CSNK2A1: variants seen among roughly 807,000 people sequenced by gnomAD.
CSNK2A1 encodes the protein casein kinase 2 alpha 1.
In CSNK2A1, 10 loss-of-function variants were observed where a neutral mutation model predicts 62.9. That is an observed-to-expected ratio of 0.16 (90% CI 0.10 to 0.27). The LOEUF is 0.27. CSNK2A1 is among the 10% of genes least tolerant of loss of function. The pLI is 1.00. For synonymous variants in CSNK2A1, 124 were observed against 167.8 expected, an observed-to-expected ratio of 0.74 and a Z score of 2.02; for missense variants, 160 against 492.0, an observed-to-expected ratio of 0.33 and a Z score of 6.38.
Position 499,237 on chromosome 20 carries a change from G to C in CSNK2A1, c.366+18C>G, listed in dbSNP as rs755904354. On this transcript the variant is annotated intron_variant, in intron 6 of 13. Transcript: ENST00000217244. This position sits in a 1 kb window ranked among gnomAD's most constrained non-coding sequence, Gnocchi z 4.2. ...TCTAAAAACCCACTAGCCCGAAACA[G>C]TTGGTTATATATTATACCTTGAAGT... The C allele has an allele frequency of 5.1e-6, 8 of 1,583,758 alleles. No individual in the cohort carries two copies. Among genetic ancestry groups the C allele is most frequent in the Non-Finnish European group, 6.9e-6 (8 of 1,164,544 alleles).
chr20:505,171 A>G lies in CSNK2A1; in HGVS notation c.160T>C (p.Phe54Leu). ...KLGRGKYSEV[F>L]EAINITNNEK... is the part of the protein sequence containing the mutation. ...TTATTTGTGATGTTGATGGCTTCAAATACTTCACTGTATTTACCTCGGCCT... is the reference window on the plus strand; with the variant it reads ...TTATTTGTGATGTTGATGGCTTCAAGTACTTCACTGTATTTACCTCGGCCT... The change falls in exon 4 of 14, where the codon TTT (phenylalanine) becomes CTT (leucine). Residue 54 changes from phenylalanine to leucine, a missense_variant. Physicochemically the swap from Phe to Leu is conservative, Grantham distance 22 (BLOSUM62 0). Coordinates refer to ENST00000217244, the MANE Select transcript of CSNK2A1 (RefSeq NM_177559.3). The G allele has an allele frequency of 6.2e-7, 1 of 1,613,814 alleles. No individual in the cohort carries two copies. The highest frequency in any genetic ancestry group is 8.5e-7 in the Non-Finnish European group (1 of 1,179,918).
Position 481,856 on chromosome 20 carries a change from C to T in CSNK2A1, c.*2105G>A, listed in dbSNP as rs1288122971. On this transcript the variant is annotated 3_prime_UTR_variant, in exon 14 of 14. Coordinates refer to ENST00000217244, the MANE Select transcript of CSNK2A1 (RefSeq NM_177559.3). ...AATTGCATCTCTGGCACATCTGGTG[C>T]TTTTAGCTTCTGCACAAATTCAACA... 6.6e-6 allele frequency: 1 copy of T among 152,208 alleles called. No individual in the cohort carries two copies. The highest frequency in any genetic ancestry group is 1.5e-5 in the Non-Finnish European group (1 of 68,038). 9.4% of individuals were successfully genotyped at this position (152,208 alleles called of 1,614,324 possible).
intron 1 of CSNK2A1, among the ~76,000 whole-genome samples, chr20:541,478 GAAGTA>G (rs998830038): frequency 3.3e-5 from 5 of 152,148 alleles, no homozygotes; most frequent in Admixed American, 6.5e-5. Context: ...TTACTTATGT[GAAGTA>G]AAGTATATAT....
rs1281632292 is a variant in CSNK2A1 at position 499,749 on chromosome 20, G to A, written c.315+84C>T. ...CAGGACTTAATGATGAGGGTTGGGG[G>A]AGGGAACAAAAAGAGGCCAGTTGTG... On this transcript the variant is annotated intron_variant, in intron 5 of 13. Coordinates refer to ENST00000217244, the MANE Select transcript of CSNK2A1 (RefSeq NM_177559.3). This position sits in a 1 kb window ranked among gnomAD's most constrained non-coding sequence, Gnocchi z 4.2. 2 of 1,251,812 alleles carry A rather than the reference G, an allele frequency of 1.6e-6. No individual in the cohort carries two copies. Among genetic ancestry groups the A allele is most frequent in the Non-Finnish European group, 2.3e-6 (2 of 857,118 alleles). 77.5% of individuals were successfully genotyped at this position (1,251,812 alleles called of 1,614,324 possible). A position where few individuals can be genotyped will look rare whatever the true frequency, so the allele number is the denominator to read the frequency against.
intron 13 of CSNK2A1, among the ~76,000 whole-genome samples, chr20:486,139 C>A (rs762664168): frequency 2.6e-5 from 4 of 152,038 alleles, no homozygotes; most frequent in Non-Finnish European, 5.9e-5. Flanking sequence ...CACTTTCAAG[C>A]CCCTATGCCA....
At position 478,436 on chromosome 20, in the gene CSNK2A1, A is replaced by T. The variant is rs2017891809; in HGVS notation, c.*5525T>A. 1 of 227,588 alleles carries T rather than the reference A, an allele frequency of 4.4e-6. No individual in the cohort carries two copies. The highest frequency in any genetic ancestry group is 9.0e-6 in the Non-Finnish European group (1 of 110,658). 14.1% of individuals were successfully genotyped at this position (227,588 alleles called of 1,614,324 possible). ...ATTCCCAGGGTGGGATCAGGAAGCC[A>T]GCCCCAGCTGCTGCAGCATTTTTTT... On this transcript the variant is annotated 3_prime_UTR_variant, in exon 14 of 14. Transcript: ENST00000217244.
intron 2 of CSNK2A1, among the ~76,000 whole-genome samples, chr20:509,676 G>A (rs777765245): frequency 2.6e-5 from 4 of 152,132 alleles, no homozygotes; most frequent in Non-Finnish European, 4.4e-5. Context: ...CCTGGACTCC[G>A]GTGATTCTTT....
In CSNK2A1 at chr20:488,727, C is replaced by A; in HGVS notation, c.775G>T (p.Asp259Tyr). The A allele has an allele frequency of 6.2e-7, 1 of 1,613,876 alleles. No individual in the cohort carries two copies. The change falls in exon 11 of 14, where the codon GAC (aspartate) becomes TAC (tyrosine). Residue 259 changes from aspartate to tyrosine, a missense_variant. By Grantham distance (160) the Asp-to-Tyr change is radical (BLOSUM62 -3). This residue lies in a region of CSNK2A1 where 94 missense variants were observed against 357.6 expected (regional missense o/e 0.26). Transcript: ENST00000217244. ...GGATCTAATTCAATGTTGTATTTGT[C>A]AATATAGTCATATAAATCTTCTGTC... ...LGTEDLYDYIDKYNIELDPRF... is the reference protein window; with the variant it reads ...LGTEDLYDYIYKYNIELDPRF...
chr20:528,403 T>C lies in CSNK2A1; in HGVS notation c.-226-354A>G, dbSNP rs560173048. On this transcript the variant is annotated intron_variant, in intron 1 of 13. Transcript: ENST00000217244. ...TTGCCTTTCAATTCTGAAGATATTA[T>C]GTGAATGCCTATGTCAGTCACTGAT... Among the ~76,000 whole-genome samples the C allele has an allele frequency of 2.0e-5, 3 of 152,318 alleles. No homozygotes were observed. In the East Asian group the frequency reaches 5.8e-4, roughly 29 times the overall value.
In CSNK2A1 at chr20:474,162, C is replaced by T. The variant is rs1331602085; in HGVS notation, c.*9799G>A. The T allele has an allele frequency of 6.6e-6, 1 of 152,354 alleles. No homozygotes were observed. The highest frequency in any genetic ancestry group is 1.5e-5 in the Non-Finnish European group (1 of 68,194). The allele number at this position is 152,354 out of a possible 1,614,324, so 9.4% of individuals were successfully genotyped here. The stretch of plus-strand genomic sequence containing the variant: ...CCTCCAACTCCTGGGCTCAACGTAT[C>T]CTCCCACCCAGCCTCCCCAGTAGCT... On this transcript the variant is annotated 3_prime_UTR_variant, in exon 14 of 14. Coordinates refer to ENST00000217244, the MANE Select transcript of CSNK2A1 (RefSeq NM_177559.3).
At chr20:490,274 G>A (rs1322578341) in intron 9 of CSNK2A1, among the ~76,000 whole-genome samples, 3 of 144,336 alleles carry the variant, frequency 2.1e-5, no homozygotes, top group East Asian at 2.0e-4. Flanking sequence ...TGATCTGCTC[G>A]CCTCAGGTTC....
Position 489,772 on chromosome 20 carries a change from T to C in CSNK2A1, c.723+8A>G, listed in dbSNP as rs1304993774. The C allele has an allele frequency of 1.3e-6, 2 of 1,598,370 alleles. No homozygotes were observed. Among genetic ancestry groups the C allele is most frequent in the African/African-American group, 2.7e-5 (2 of 74,662 alleles). ...AGTACATTTTTCAATGGGTATAACA[T>C]ATATTACCTGATCATAATTGTCATG... is the stretch of plus-strand genomic sequence containing the variant. On this transcript the variant is annotated splice_region_variant and intron_variant, in intron 10 of 13. Coordinates refer to ENST00000217244, the MANE Select transcript of CSNK2A1 (RefSeq NM_177559.3).
intron 10 of CSNK2A1, chr20:489,028 A>G (rs936743106): frequency 5.7e-5 from 20 of 351,384 alleles, no homozygotes; most frequent in African/African-American, 3.6e-4. Context: ...CCAATTGAAG[A>G]TGTCACTTCT....
intron 7 of CSNK2A1, 87 bp from the exon 8 acceptor site, chr20:495,889 G>A (rs774232483): frequency 5.6e-5 from 60 of 1,075,768 alleles, no homozygotes; most frequent in Non-Finnish European, 7.7e-5. Context: ...TTTCCTTTTA[G>A]CCTCACAATA....
At chr20:490,335 C>CTTTTCT (rs1430310808) in intron 9 of CSNK2A1, among the ~76,000 whole-genome samples, 153 of 84,802 alleles carry the variant, frequency 1.8e-3, no homozygotes, top group African/African-American at 7.6e-3. Flanking sequence ...CTAGTTTTTT[C>CTTTTCT]TTTTTTTTTT....
chr20:496,811 CA>C (rs2018355522), intron 7 of CSNK2A1: 1 of 152,174 alleles, frequency 6.6e-6, no homozygotes, highest in Non-Finnish European at 1.5e-5. Flanking sequence ...TTGGTGACCC[CA>C]CTTTAGAAAT....
At chr20:519,604 A>G (rs2018902577) in intron 2 of CSNK2A1, among the ~76,000 whole-genome samples, 2 of 152,208 alleles carry the variant, frequency 1.3e-5, no homozygotes, top group Non-Finnish European at 2.9e-5. Flanking sequence ...ATTATATTCA[A>G]AGAGCAACAT....
intron 2 of CSNK2A1, among the ~76,000 whole-genome samples, chr20:521,965 C>T (rs1010729716): frequency 3.3e-5 from 5 of 152,324 alleles, no homozygotes; most frequent in African/African-American, 9.6e-5. Context: ...TATCAGGGGT[C>T]CCCAATCCCC....
chr20:491,857 G>A (rs958872458), intron 9 of CSNK2A1, among the ~76,000 whole-genome samples: 5 of 152,132 alleles, frequency 3.3e-5, no homozygotes, highest in Non-Finnish European at 7.4e-5. Context: ...CTGGGAGGCG[G>A]AGCTTGCAGT....
Sources: allele counts gnomAD v4.1 joint callset (sites outside exome capture counted in the v4.1 genomes callset), GRCh38; gene constraint gnomAD v4.1.1; regional missense constraint gnomAD v4.1.1; non-coding constraint Gnocchi (gnomAD v3.1); transcripts MANE v1.5; gene names NCBI Gene and HGNC (gene_info 2026-07-23, HGNC 2026-07-21).